The following HHLA1 variants were observed in gnomAD, a reference collection of about 807,000 sequenced individuals.
HHLA1 encodes HHLA1 neighbor of OC90.
A neutral mutation model predicts 69.9 loss-of-function variants in HHLA1; 72 were observed. The ratio of observed to expected loss-of-function variants is 1.03; its 90% CI spans 0.85 to 1.25. The LOEUF (loss-of-function observed/expected upper bound fraction) is 1.25. Among genes scored for constraint, HHLA1 ranks in the 50% most tolerant of loss-of-function variants. The pLI, the probability that HHLA1 is intolerant of heterozygous loss-of-function variation, is 0.00. For missense variants in HHLA1, 685 were observed against 642.2 expected, an observed-to-expected ratio of 1.07 and a Z score of -0.72; for synonymous variants, 252 against 233.2, an observed-to-expected ratio of 1.08 and a Z score of -0.73.
chr8:132,089,818 TTTC>T (rs1250942231), intron 7 of HHLA1, among the ~76,000 whole-genome samples: 4 of 152,214 alleles, frequency 2.6e-5, no homozygotes, highest in Non-Finnish European at 5.9e-5. Context: ...TAAAATCCCC[TTTC>T]TTCTTCTATC....
At chr8:132,073,820 G>A (rs140883113) in intron 14 of HHLA1, among the ~76,000 whole-genome samples, 130 of 152,086 alleles carry the variant, frequency 8.5e-4, no homozygotes, top group African/African-American at 2.9e-3. Context: ...CATCATCACC[G>A]CATCCTCTTG....
chr8:132,090,401 C>T (rs1185534212), intron 7 of HHLA1, among the ~76,000 whole-genome samples: 1 of 152,184 alleles, frequency 6.6e-6, no homozygotes, highest in Non-Finnish European at 1.5e-5. Flanking sequence ...CAGTCATTTT[C>T]TAAAGAGGAA....
rs372820713 is a variant in HHLA1 at position 132,100,077 on chromosome 8, G to T, written c.197C>A (p.Thr66Lys). The change falls in exon 4 of 17, where the codon ACG (threonine) becomes AAG (lysine). Residue 66 changes from threonine (T) to lysine (K), a missense_variant and splice_region_variant. Physicochemically the swap from Thr to Lys is moderately conservative, Grantham distance 78. Transcript: ENST00000414222. ...GGATTTGGGGGAGCGGCACTCACCC[G>T]TCGTAGCAAGAAATGCCACCCCCTT... ...KEKGVAFLAT[T>K]ELPARSIDLS... is the part of the protein sequence containing the mutation. The T allele has an allele frequency of 6.4e-7, 1 of 1,551,138 alleles. No homozygotes were observed. Among genetic ancestry groups the T allele is most frequent in the Non-Finnish European group, 8.7e-7 (1 of 1,146,504 alleles).
Position 132,077,771 on chromosome 8 carries a change from T to C in HHLA1, c.1126A>G (p.Ile376Val). Reference sequence around the variant, plus strand: ...GATGGGCTGCCAGGTGTGGCCATTATCTCAGCAGCAGGCGCCAAAAGGCTT... The same window carrying C: ...GATGGGCTGCCAGGTGTGGCCATTACCTCAGCAGCAGGCGCCAAAAGGCTT... ...TTSLLAPAAE[I>V]MATPGSPSQA... Residue 376 changes from isoleucine to valine, a missense_variant, in exon 12 of 17, where the codon ATA becomes GTA. By Grantham distance (29) the Ile-to-Val change is conservative. Transcript: ENST00000414222. 1 of 1,551,682 alleles carries C rather than the reference T, an allele frequency of 6.4e-7. No homozygotes were observed. Among genetic ancestry groups the C allele is most frequent in the Non-Finnish European group, 8.7e-7 (1 of 1,146,976 alleles).
intron 5 of HHLA1, among the ~76,000 whole-genome samples, chr8:132,097,995 T>C (rs1824050460): frequency 6.6e-6 from 1 of 152,224 alleles, no homozygotes; most frequent in Non-Finnish European, 1.5e-5. Context: ...ATTTATTATG[T>C]TTATTGTTTG....
At chr8:132,101,073 T>C in intron 3 of HHLA1, 1 of 1,279,388 alleles carries the variant, frequency 7.8e-7, no homozygotes, top group South Asian at 2.0e-5. Flanking sequence ...TAGTATCACA[T>C]GTAACATGAA....
chr8:132,075,263 T>C (rs1451769030), intron 14 of HHLA1, among the ~76,000 whole-genome samples: 6 of 152,174 alleles, frequency 3.9e-5, no homozygotes, highest in Non-Finnish European at 8.8e-5. Flanking sequence ...TGTTGACATA[T>C]GACTGGATGG....
Position 132,065,124 on chromosome 8 carries a change from T to TA in HHLA1, c.1552+761dup, listed in dbSNP as rs922679721. On this transcript the variant is annotated intron_variant, in intron 16 of 16. Transcript: ENST00000414222. The stretch of plus-strand genomic sequence containing the variant: ...GGATATTTTTTGCAGAAGTGAGAGA[T>TA]AAAAAAAAGCTGATACTGGAATATC... Among the ~76,000 whole-genome samples the TA allele has an allele frequency of 9.2e-5, 14 of 151,890 alleles. No homozygotes were observed. In the East Asian group the frequency reaches 1.9e-3, roughly 21 times the overall value.
At chr8:132,074,866 AAT>A (rs1018536818) in intron 14 of HHLA1, among the ~76,000 whole-genome samples, 11 of 152,326 alleles carry the variant, frequency 7.2e-5, no homozygotes, top group African/African-American at 2.6e-4. Context: ...TAGGTTAATA[AAT>A]AGATAGATAT....
At chr8:132,105,120 TA>T in intron 2 of HHLA1, 66 bp downstream of exon 2, 1 of 1,250,616 alleles carries the variant, frequency 8.0e-7, no homozygotes, top group Non-Finnish European at 1.1e-6. Context: ...TGAGGTTCTC[TA>T]AAGCACAGTG....
chr8:132,105,541 C>T lies in HHLA1; in HGVS notation c.-21-255G>A, dbSNP rs555184833. On this transcript the variant is annotated intron_variant, in intron 1 of 16. Coordinates refer to ENST00000414222, the MANE Select transcript of HHLA1 (RefSeq NM_001145095.3). Reference sequence around the variant, plus strand: ...CTGCTCCACATAGTCACTCAGGGACCCCAGTTAATGGAGTTCCACTATCCT... The same window carrying T: ...CTGCTCCACATAGTCACTCAGGGACTCCAGTTAATGGAGTTCCACTATCCT... 3.9e-5 allele frequency among the ~76,000 whole-genome samples: 6 copies of T among 152,248 alleles called. No homozygotes were observed. The South Asian group carries it at 1.2e-3, about 32-fold the overall frequency.
intron 3 of HHLA1, among the ~76,000 whole-genome samples, chr8:132,102,557 C>A: frequency 6.6e-6 from 1 of 152,224 alleles, no homozygotes; most frequent in East Asian, 1.9e-4. Flanking sequence ...ACCCGTGTGG[C>A]ACTTTACCTG....
At chr8:132,106,606 A>C (rs1214552509) in intron 1 of HHLA1, among the ~76,000 whole-genome samples, 1 of 152,272 alleles carries the variant, frequency 6.6e-6, no homozygotes, top group Non-Finnish European at 1.5e-5. Flanking sequence ...TGCCTGGCAC[A>C]TCGTTATGCT....
chr8:132,080,021 A>G (rs1464599232), intron 10 of HHLA1, 55 bp from the exon 11 acceptor site: 2 of 1,549,828 alleles, frequency 1.3e-6, no homozygotes, highest in Non-Finnish European at 1.7e-6. Context: ...TGGGCATAAA[A>G]AAACTGAAAG....
In HHLA1 at chr8:132,065,887, G is replaced by A; in HGVS notation, c.1551C>T (p.His517=). 1 of 1,290,640 alleles carries A rather than the reference G, an allele frequency of 7.7e-7. No homozygotes were observed. Among genetic ancestry groups the A allele is most frequent in the African/African-American group, 1.5e-5 (1 of 65,662 alleles). The allele number at this position is 1,290,640 out of a possible 1,614,324, so 79.9% of individuals were successfully genotyped here. A position where few individuals can be genotyped will look rare whatever the true frequency, so the allele number is the denominator to read the frequency against. Residue 517 remains histidine, a splice_region_variant and synonymous_variant, in exon 16 of 17, where the codon CAC becomes CAT. Transcript: ENST00000414222. The part of the protein sequence containing the change: ...CQRVKRVSHS[H]TLKQKCLENI... ...AACATAGTCAAGCTGTGTACTTACT[G>A]TGCGAGTGGGACACCCTTTTCACCC...
chr8:132,066,862 T>G (rs1172333658), intron 15 of HHLA1, among the ~76,000 whole-genome samples: 1 of 152,224 alleles, frequency 6.6e-6, no homozygotes, highest in Admixed American at 6.5e-5. Flanking sequence ...GTATTGGATT[T>G]TAACCCAGGT....
In HHLA1 at chr8:132,095,697, A is replaced by G. The variant is rs1824012862; in HGVS notation, c.364+6T>C. Reference sequence around the variant, plus strand: ...CCACCATCAAGAAGAGCCAGCCAGCACTCACTGTTGTAAACAGCTACAGAA... The same window carrying G: ...CCACCATCAAGAAGAGCCAGCCAGCGCTCACTGTTGTAAACAGCTACAGAA... On this transcript the variant is annotated splice_donor_region_variant and intron_variant, in intron 6 of 16. Transcript: ENST00000414222. The G allele has an allele frequency of 3.9e-6, 6 of 1,550,482 alleles. No homozygotes were observed. The highest frequency in any genetic ancestry group is 5.2e-6 in the Non-Finnish European group (6 of 1,146,234).
chr8:132,086,745 A>G (rs991890314), intron 10 of HHLA1, among the ~76,000 whole-genome samples: 17 of 152,214 alleles, frequency 1.1e-4, no homozygotes, highest in African/African-American at 3.9e-4. Flanking sequence ...TGCCCATTTC[A>G]TCTTCTTATC....
chr8:132,109,038 C>T (rs986547174), intron 1 of HHLA1, among the ~76,000 whole-genome samples: 2 of 152,196 alleles, frequency 1.3e-5, no homozygotes, highest in Non-Finnish European at 2.9e-5. Flanking sequence ...GACGAAGTCT[C>T]GCTCTGTCGC....
Sources: gnomAD v4.1 joint callset for allele counts (sites outside exome capture counted in the v4.1 genomes callset) on GRCh38, gnomAD v4.1.1 for gene constraint, MANE v1.5 for transcripts, NCBI Gene and HGNC (gene_info 2026-07-23, HGNC 2026-07-21) for gene names.